Variants in TXNL4B observed in about 807,000 individuals in gnomAD.
TXNL4B encodes thioredoxin like 4B.
In TXNL4B, 12 loss-of-function variants were observed where a neutral mutation model predicts 13.0. The observed-to-expected ratio is 0.92, with a 90% CI of 0.59 to 1.49. The LOEUF is 1.49. Ranked by LOEUF, TXNL4B falls within the 40% of genes most tolerant of loss-of-function variation. The probability of loss-of-function intolerance (pLI) is 0.00; values close to 1 mark genes in which losing one functional copy is unlikely to be tolerated. For synonymous variants in TXNL4B, 59 were observed against 58.9 expected (o/e 1.00, Z -0.01); for missense variants, 214 against 173.6 (o/e 1.23, Z -1.31).
intron 2 of TXNL4B, 102 bp from the exon 3 acceptor site, chr16:72,089,240 C>T (rs1246081603): frequency 2.0e-6 from 2 of 1,024,834 alleles, no homozygotes; most frequent in African/African-American, 3.2e-5. Context: ...TGAAAAAACT[C>T]CTGGGCCAAC....
At chr16:72,088,245 T>C (rs1597428844) in intron 3 of TXNL4B, among the ~76,000 whole-genome samples, 1 of 152,244 alleles carries the variant, frequency 6.6e-6, no homozygotes, top group African/African-American at 2.4e-5. Flanking sequence ...ATTACAGGCG[T>C]GAGCCACTAT....
intron 3 of TXNL4B, among the ~76,000 whole-genome samples, chr16:72,087,816 C>T (rs531671224): frequency 5.3e-5 from 8 of 152,060 alleles, no homozygotes; most frequent in Non-Finnish European, 7.4e-5. Context: ...AGGCACCCAC[C>T]ATCATGCCTG....
At position 72,090,773 on chromosome 16, in the gene TXNL4B, C is replaced by T. The variant is rs748830303; in HGVS notation, c.-24G>A. On this transcript the variant is annotated 5_prime_UTR_variant, in exon 2 of 4. Transcript: ENST00000268483. ...ATCTTGAAATAACCCAAATGTGAAT[C>T]CTCACTGTCACTCCTGAAATAAAGG... 4 of 1,613,650 alleles carry T rather than the reference C, an allele frequency of 2.5e-6. No individual in the cohort carries two copies. In the South Asian group the frequency reaches 3.3e-5, roughly 13 times the overall value.
At chr16:72,086,864 T>C in intron 3 of TXNL4B, 62 bp from the exon 4 acceptor site, 1 of 1,319,516 alleles carries the variant, frequency 7.6e-7, no homozygotes, top group Non-Finnish European at 1.0e-6. Context: ...TGTTGAAGAC[T>C]TTCAGGATAA....
intron 3 of TXNL4B, chr16:72,087,328 G>C (rs950024356): frequency 5.4e-4 from 62 of 115,122 alleles, no homozygotes; most frequent in African/African-American, 2.1e-3. Flanking sequence ...TTCCAATCTT[G>C]TGTGTGTGTG....
In TXNL4B at chr16:72,085,744, G is replaced by C. The variant is rs1158170294; in HGVS notation, c.*893C>G. ...AAATGGGGTGCGCGCGGTGGCTCAC[G>C]CCTATAATCCCAGCACCTGGGAGGC... On this transcript the variant is annotated 3_prime_UTR_variant, in exon 4 of 4. Transcript: ENST00000268483. 1 of 152,126 alleles carries C rather than the reference G, an allele frequency of 6.6e-6. No individual in the cohort carries two copies. The highest frequency in any genetic ancestry group is 2.4e-5 in the African/African-American group (1 of 41,418). 9.4% of individuals were successfully genotyped at this position (152,126 alleles called of 1,614,324 possible). A position where few individuals can be genotyped will look rare whatever the true frequency, so the allele number is the denominator to read the frequency against.
At chr16:72,090,934 T>C in intron 1 of TXNL4B, 148 bp from the exon 2 acceptor site, 1 of 664,590 alleles carries the variant, frequency 1.5e-6, no homozygotes, top group East Asian at 2.9e-5. Flanking sequence ...TCCCTCTCTT[T>C]GTCCCTGCTC....
rs1371407670 is a variant in TXNL4B, at chr16:72,086,027, G to C, written c.*610C>G. The C allele has an allele frequency of 6.6e-6, 1 of 151,582 alleles. No homozygotes were observed. The highest frequency in any genetic ancestry group is 1.5e-5 in the Non-Finnish European group (1 of 67,930). The allele number at this position is 151,582 out of a possible 1,614,324, so 9.4% of individuals were successfully genotyped here. A position where few individuals can be genotyped will look rare whatever the true frequency, so the allele number is the denominator to read the frequency against. On this transcript the variant is annotated 3_prime_UTR_variant, in exon 4 of 4. Transcript: ENST00000268483. ...AAAAAAAAAAAAAAAAATTAAATGAGCCAACCAGGACAATGTTTAAAAGCC... is the reference window on the plus strand; with the variant it reads ...AAAAAAAAAAAAAAAAATTAAATGACCCAACCAGGACAATGTTTAAAAGCC...
At position 72,086,540 on chromosome 16, in the gene TXNL4B, C is replaced by G. The variant is rs907613679; in HGVS notation, c.*97G>C. Reference sequence around the variant, plus strand: ...AAGTCAAACCTCTTCTCCTCTGGGACACATGTTTCCAAAGGACTCCAGAAA... The same window carrying G: ...AAGTCAAACCTCTTCTCCTCTGGGAGACATGTTTCCAAAGGACTCCAGAAA... On this transcript the variant is annotated 3_prime_UTR_variant, in exon 4 of 4. Transcript: ENST00000268483. 8.4e-7 allele frequency: 1 copy of G among 1,193,122 alleles called. No homozygotes were observed. Among genetic ancestry groups the G allele is most frequent in the African/African-American group, 1.5e-5 (1 of 65,802 alleles). 73.9% of individuals were successfully genotyped at this position (1,193,122 alleles called of 1,614,324 possible).
chr16:72,093,034 C>T (rs1268723939), intron 1 of TXNL4B, among the ~76,000 whole-genome samples: 1 of 152,104 alleles, frequency 6.6e-6, no homozygotes, highest in African/African-American at 2.4e-5. Flanking sequence ...CGGGGTTTCG[C>T]TATGTTGCCC....
intron 1 of TXNL4B, among the ~76,000 whole-genome samples, chr16:72,092,241 T>C (rs931900826): frequency 1.3e-5 from 2 of 152,158 alleles, no homozygotes; most frequent in Non-Finnish European, 1.5e-5. Context: ...AAACCCCGTC[T>C]CTACTAAAAA....
Position 72,086,566 on chromosome 16 carries a change from C to A in TXNL4B, c.*71G>T. On this transcript the variant is annotated 3_prime_UTR_variant, in exon 4 of 4. Coordinates refer to ENST00000268483, the MANE Select transcript of TXNL4B (RefSeq NM_017853.3). Reference sequence around the variant, plus strand: ...ACATGTTTCCAAAGGACTCCAGAAACACAGCACAGCTGGATTCAGGTACTG... The same window carrying A: ...ACATGTTTCCAAAGGACTCCAGAAAAACAGCACAGCTGGATTCAGGTACTG... 6.9e-7 allele frequency: 1 copy of A among 1,450,852 alleles called. No individual in the cohort carries two copies. Among genetic ancestry groups the A allele is most frequent in the Non-Finnish European group, 9.5e-7 (1 of 1,053,030 alleles). 89.9% of individuals were successfully genotyped at this position (1,450,852 alleles called of 1,614,324 possible).
intron 3 of TXNL4B, chr16:72,087,163 A>C (rs1265575734): frequency 5.9e-6 from 1 of 170,278 alleles, no homozygotes. Flanking sequence ...GCATTGTGCA[A>C]AGCCCATTCA....
intron 1 of TXNL4B, 111 bp from the exon 2 acceptor site, chr16:72,090,897 A>G: frequency 1.1e-6 from 1 of 870,462 alleles, no homozygotes; most frequent in Non-Finnish European, 1.7e-6. Context: ...TGAAAGAAAC[A>G]TCATAGAAAG....
rs1005378249 is a variant in TXNL4B, at chr16:72,093,574, G to A, written c.-245C>T. The A allele has an allele frequency of 2.6e-5, 4 of 152,308 alleles. No individual in the cohort carries two copies. The highest frequency in any genetic ancestry group is 9.6e-5 in the African/African-American group (4 of 41,462). 9.4% of individuals were successfully genotyped at this position (152,308 alleles called of 1,614,324 possible). A position where few individuals can be genotyped will look rare whatever the true frequency, so the allele number is the denominator to read the frequency against. On this transcript the variant is annotated 5_prime_UTR_variant, in exon 1 of 4. Transcript: ENST00000268483. ...ACAGAAAACGCACAAGCGCAGAAAA[G>A]AAACTCCTGGCCGTCGGTCGGCCCC...
intron 1 of TXNL4B, among the ~76,000 whole-genome samples, chr16:72,091,977 T>C (rs867025298): frequency 3.3e-5 from 5 of 152,230 alleles, no homozygotes; most frequent in Non-Finnish European, 5.9e-5. Context: ...AGAAATTTCA[T>C]TTTTGAGAAA....
rs2041823392 is a variant in TXNL4B at position 72,086,377 on chromosome 16, G to C, written c.*260C>G. ...ATAAAGAAAAACATTAGAAAGAGAA[G>C]TTACAAAAATCACTGTGGGGAAAAT... On this transcript the variant is annotated 3_prime_UTR_variant, in exon 4 of 4. Transcript: ENST00000268483. 1 of 330,468 alleles carries C rather than the reference G, an allele frequency of 3.0e-6. No homozygotes were observed. The highest frequency in any genetic ancestry group is 5.5e-6 in the Non-Finnish European group (1 of 180,812). 20.5% of individuals were successfully genotyped at this position (330,468 alleles called of 1,614,324 possible).
At chr16:72,092,109 C>A (rs977266580) in intron 1 of TXNL4B, among the ~76,000 whole-genome samples, 1 of 151,930 alleles carries the variant, frequency 6.6e-6, no homozygotes, top group Non-Finnish European at 1.5e-5. Context: ...TTTTTTGTCA[C>A]AAGTCACATT....
In TXNL4B at chr16:72,090,784, C is replaced by T. The variant is rs1043276932; in HGVS notation, c.-35G>A. On this transcript the variant is annotated splice_region_variant and 5_prime_UTR_variant, in exon 2 of 4. The change creates a new upstream start codon in the 5' untranslated region. Coordinates refer to ENST00000268483, the MANE Select transcript of TXNL4B (RefSeq NM_017853.3). ...ACCCAAATGTGAATCCTCACTGTCACTCCTGAAATAAAGGTGCAATGTTTA... is the reference window on the plus strand; with the variant it reads ...ACCCAAATGTGAATCCTCACTGTCATTCCTGAAATAAAGGTGCAATGTTTA... 1 of 1,612,528 alleles carries T rather than the reference C, an allele frequency of 6.2e-7. No homozygotes were observed. Among genetic ancestry groups the T allele is most frequent in the Non-Finnish European group, 8.5e-7 (1 of 1,179,320 alleles).
Sources: gnomAD v4.1 joint callset for allele counts (sites outside exome capture counted in the v4.1 genomes callset) on GRCh38, gnomAD v4.1.1 for gene constraint, MANE v1.5 for transcripts, NCBI Gene and HGNC (gene_info 2026-07-23, HGNC 2026-07-21) for gene names.